FGFR1OP2: variants seen among roughly 807,000 people sequenced by gnomAD.
The protein encoded by FGFR1OP2 is FGFR1 oncogene partner 2.
A neutral mutation model predicts 35.2 loss-of-function variants in FGFR1OP2; 17 were observed. The observed-to-expected ratio is 0.48, with a 90% CI of 0.33 to 0.73. The LOEUF (loss-of-function observed/expected upper bound fraction) is 0.73. Among genes scored for constraint, FGFR1OP2 ranks in the 30% least tolerant of loss-of-function variants. FGFR1OP2 has a pLI of 0.02. For synonymous variants in FGFR1OP2, 105 were observed against 104.6 expected, an observed-to-expected ratio of 1.00 and a Z score of -0.03; for missense variants, 251 against 307.3, an observed-to-expected ratio of 0.82 and a Z score of 1.37.
intron 1 of FGFR1OP2, among the ~76,000 whole-genome samples, chr12:26,950,183 T>C (rs1258882228): frequency 6.9e-6 from 1 of 145,826 alleles, no homozygotes; most frequent in Admixed American, 6.9e-5. Flanking sequence ...GCAGCTACCA[T>C]CAAGCCATCA....
intron 1 of FGFR1OP2, among the ~76,000 whole-genome samples, chr12:26,939,350 CT>C (rs1276702965): frequency 1.3e-5 from 2 of 151,932 alleles, no homozygotes; most frequent in African/African-American, 4.8e-5. Flanking sequence ...TATCTCTGTC[CT>C]TTCCTTAAAC....
chr12:26,944,418 A>G (rs1938789569), intron 1 of FGFR1OP2, among the ~76,000 whole-genome samples: 1 of 152,216 alleles, frequency 6.6e-6, no homozygotes, highest in African/African-American at 2.4e-5. Context: ...GCCCTTTCTC[A>G]GTTTAAAAAA....
At position 26,960,803 on chromosome 12, in the gene FGFR1OP2, A is replaced by G. The variant is rs988830880; in HGVS notation, c.510+175A>G. 6 of 1,054,962 alleles carry G rather than the reference A, an allele frequency of 5.7e-6. No homozygotes were observed. The African/African-American group carries it at 6.4e-5, about 11-fold the overall frequency. 65.4% of individuals were successfully genotyped at this position (1,054,962 alleles called of 1,614,324 possible). A position where few individuals can be genotyped will look rare whatever the true frequency, so the allele number is the denominator to read the frequency against. ...TCAGTGTAGAAACTTTAAATCTCTC[A>G]TTAATTTTCTGTGTATTGTATCATG... On this transcript the variant is annotated intron_variant, in intron 5 of 6. Transcript: ENST00000229395.
At chr12:26,954,378 T>C in intron 2 of FGFR1OP2, 85 bp downstream of exon 2, 2 of 1,442,954 alleles carry the variant, frequency 1.4e-6, no homozygotes, top group Non-Finnish European at 1.8e-6. Context: ...TATCTAATTT[T>C]TTTCAACATT....
In FGFR1OP2 at chr12:26,957,668, A is replaced by C; in HGVS notation, c.321A>C (p.Gln107His). ...LELIMSKYRE[Q>H]MFRLLMASKK... ...TTATAATGAGCAAGTACCGAGAACA[A>C]ATGTTTAGATTGCTAATGGCTAGCA... The change falls in exon 4 of 7, where the codon CAA becomes CAC. Residue 107 changes from glutamine to histidine, a missense_variant. By Grantham distance (24) the Gln-to-His change is conservative. Transcript: ENST00000229395. The C allele has an allele frequency of 3.1e-6, 5 of 1,613,786 alleles. No individual in the cohort carries two copies. Among genetic ancestry groups the C allele is most frequent in the Non-Finnish European group, 4.2e-6 (5 of 1,179,828 alleles).
chr12:26,943,684 G>T (rs1367940269), intron 1 of FGFR1OP2, among the ~76,000 whole-genome samples: 1 of 152,074 alleles, frequency 6.6e-6, no homozygotes, highest in Non-Finnish European at 1.5e-5. Flanking sequence ...AATTAGCTGG[G>T]CGTGGTGGCG....
chr12:26,940,777 A>T (rs1026992691), intron 1 of FGFR1OP2, among the ~76,000 whole-genome samples: 1 of 152,244 alleles, frequency 6.6e-6, no homozygotes, highest in African/African-American at 2.4e-5. Flanking sequence ...AATTAATGTG[A>T]TGCCTAATTA....
intron 1 of FGFR1OP2, among the ~76,000 whole-genome samples, chr12:26,952,185 A>T (rs575126804): frequency 6.7e-6 from 1 of 149,596 alleles, no homozygotes; most frequent in African/African-American, 2.5e-5. Context: ...AATGGGAGTT[A>T]TAGTGATGTC....
At chr12:26,961,184 A>T (rs1282886476) in intron 5 of FGFR1OP2, 1 of 152,286 alleles carries the variant, frequency 6.6e-6, no homozygotes, top group Admixed American at 6.5e-5. Flanking sequence ...TTAGAAATGA[A>T]AGACATTTCA....
intron 1 of FGFR1OP2, among the ~76,000 whole-genome samples, chr12:26,943,830 A>C (rs1019532010): frequency 2.0e-5 from 3 of 152,182 alleles, no homozygotes; most frequent in Non-Finnish European, 4.4e-5. Flanking sequence ...TCTGTCTCAA[A>C]AAAAAGAAAA....
chr12:26,958,386 A>C (rs1281052075), intron 4 of FGFR1OP2, among the ~76,000 whole-genome samples: 2 of 152,198 alleles, frequency 1.3e-5, no homozygotes, highest in Non-Finnish European at 2.9e-5. Context: ...TTTTTTAAGA[A>C]ACATTTTTTC....
chr12:26,957,051 A>G (rs1025725765), intron 3 of FGFR1OP2, among the ~76,000 whole-genome samples: 2 of 152,202 alleles, frequency 1.3e-5, no homozygotes, highest in African/African-American at 4.8e-5. Context: ...CAGGGTCCCT[A>G]AAAATCATTT....
At chr12:26,954,360 C>G in intron 2 of FGFR1OP2, 67 bp downstream of exon 2, 1 of 1,485,872 alleles carries the variant, frequency 6.7e-7, no homozygotes, top group East Asian at 2.4e-5. Flanking sequence ...GTATTGCTGG[C>G]TAATTAGTAT....
intron 1 of FGFR1OP2, among the ~76,000 whole-genome samples, chr12:26,946,693 A>G (rs778867725): frequency 6.6e-6 from 1 of 152,230 alleles, no homozygotes; most frequent in Non-Finnish European, 1.5e-5. Flanking sequence ...ATACCATACT[A>G]TTCACCTATT....
chr12:26,960,299 G>A (rs1446904880), intron 4 of FGFR1OP2, among the ~76,000 whole-genome samples: 2 of 152,128 alleles, frequency 1.3e-5, no homozygotes, highest in East Asian at 3.9e-4. Context: ...TTAACTAGAA[G>A]TTTTTGAGCA....
intron 4 of FGFR1OP2, among the ~76,000 whole-genome samples, chr12:26,959,047 G>T (rs960653712): frequency 6.6e-6 from 1 of 151,982 alleles, no homozygotes; most frequent in African/African-American, 2.4e-5. Flanking sequence ...TTTGGTGCTT[G>T]TACGTGTTTT....
Position 26,966,235 on chromosome 12 carries a change from A to G in FGFR1OP2, c.*1502A>G, listed in dbSNP as rs1280123860. On this transcript the variant is annotated 3_prime_UTR_variant, in exon 7 of 7. Transcript: ENST00000229395. ...AGAGGCCTTATTTGATATTTTATAA[A>G]TAAATGACAGTTTTTATTTTTAAAC... is the stretch of plus-strand genomic sequence containing the variant. The G allele has an allele frequency of 6.6e-6, 1 of 152,092 alleles. No individual in the cohort carries two copies. Among genetic ancestry groups the G allele is most frequent in the African/African-American group, 2.4e-5 (1 of 41,430 alleles). The allele number at this position is 152,092 out of a possible 1,614,324, so 9.4% of individuals were successfully genotyped here. A position where few individuals can be genotyped will look rare whatever the true frequency, so the allele number is the denominator to read the frequency against.
At chr12:26,943,123 T>C (rs1319583736) in intron 1 of FGFR1OP2, among the ~76,000 whole-genome samples, 2 of 152,248 alleles carry the variant, frequency 1.3e-5, no homozygotes, top group Non-Finnish European at 2.9e-5. Flanking sequence ...ATTTTTGTAT[T>C]AAGTGTAGGA....
In FGFR1OP2 at chr12:26,956,595, C is replaced by A. The variant is rs1939024566; in HGVS notation, c.188C>A (p.Ser63Tyr). The A allele has an allele frequency of 1.2e-6, 2 of 1,605,184 alleles. No homozygotes were observed. The highest frequency in any genetic ancestry group is 1.3e-5 in the African/African-American group (1 of 74,650). Reference sequence around the variant, plus strand: ...GAAGTCGCGAGACATCGGCCACGGTCCACGTTAGTTATGGGAATCCAGCAA... The same window carrying A: ...GAAGTCGCGAGACATCGGCCACGGTACACGTTAGTTATGGGAATCCAGCAA... The part of the protein sequence containing the change: ...LNEVARHRPR[S>Y]TLVMGIQQEN... The change falls in exon 3 of 7, where the codon TCC (serine) becomes TAC (tyrosine). Residue 63 changes from serine to tyrosine, a missense_variant. Coordinates refer to ENST00000229395, the MANE Select transcript of FGFR1OP2 (RefSeq NM_015633.3).
Sources: allele counts gnomAD v4.1 joint callset (sites outside exome capture counted in the v4.1 genomes callset), GRCh38; gene constraint gnomAD v4.1.1; transcripts MANE v1.5; gene names NCBI Gene and HGNC (gene_info 2026-07-23, HGNC 2026-07-21).